Variants in CCDC171 observed in about 807,000 individuals in gnomAD.
CCDC171 encodes coiled-coil domain-containing protein 171.
A neutral mutation model predicts 168.2 loss-of-function variants in CCDC171; 177 were observed. That is an observed-to-expected ratio of 1.05 (90% CI 0.93 to 1.19). The LOEUF (loss-of-function observed/expected upper bound fraction) is 1.19, where lower values mean the gene tolerates loss of function less well. CCDC171 is among the 50% of genes most tolerant of loss of function. The probability of loss-of-function intolerance (pLI) is 0.00; values close to 1 mark genes in which losing one functional copy is unlikely to be tolerated. For synonymous variants in CCDC171, 687 were observed against 540.8 expected, an observed-to-expected ratio of 1.27 and a Z score of -3.75; for missense variants, 1,991 against 1,539.0, an observed-to-expected ratio of 1.29 and a Z score of -4.91.
intron 3 of CCDC171, among the ~76,000 whole-genome samples, chr9:15,578,010 T>G (rs1191046881): frequency 6.6e-6 from 1 of 152,196 alleles, no homozygotes; most frequent in African/African-American, 2.4e-5. Context: ...CGATATTCGT[T>G]CATTTAAATC....
At chr9:15,993,501 A>T (rs574378736) in intron 3 of CCDC171, among the ~76,000 whole-genome samples, 1 of 152,350 alleles carries the variant, frequency 6.6e-6, no homozygotes, top group Admixed American at 6.5e-5. Flanking sequence ...CTAGAAAAAA[A>T]CCTAGGCAGT....
At chr9:16,056,556 C>T (rs1169416750) in intron 1 of CCDC171, among the ~76,000 whole-genome samples, 2 of 152,158 alleles carry the variant, frequency 1.3e-5, no homozygotes, top group Admixed American at 6.5e-5. Flanking sequence ...AGCATGATCT[C>T]GGCTCACTGC....
At chr9:15,834,696 C>T (rs549772495) in intron 21 of CCDC171, among the ~76,000 whole-genome samples, 34 of 152,256 alleles carry the variant, frequency 2.2e-4, no homozygotes, top group African/African-American at 7.0e-4. Flanking sequence ...ATGCCTGAAA[C>T]TGCAAAGGGT....
chr9:16,010,328 A>G (rs1398836462), intron 3 of CCDC171, among the ~76,000 whole-genome samples: 2 of 152,150 alleles, frequency 1.3e-5, no homozygotes, highest in African/African-American at 4.8e-5. Flanking sequence ...CTTGGACTGA[A>G]TATTTTTAAT....
chr9:16,092,478 T>A, the CCDC171 span, among the ~76,000 whole-genome samples: 1 of 152,120 alleles, frequency 6.6e-6, no homozygotes. Flanking sequence ...ATGCTTCTGC[T>A]CCACTTCCCC....
At chr9:16,092,448 G>A in the CCDC171 span, among the ~76,000 whole-genome samples, 1 of 152,112 alleles carries the variant, frequency 6.6e-6, no homozygotes, top group Non-Finnish European at 1.5e-5. Flanking sequence ...CAGCTGCATC[G>A]GGAACTGTTT....
intron 6 of CCDC171, among the ~76,000 whole-genome samples, chr9:16,032,202 G>C (rs753074405): frequency 2.6e-5 from 4 of 152,200 alleles, no homozygotes; most frequent in Non-Finnish European, 5.9e-5. Flanking sequence ...ATTCAAGCGG[G>C]AAGGGCCCTG....
chr9:15,728,781 A>G (rs2053975527), intron 15 of CCDC171, among the ~76,000 whole-genome samples: 1 of 152,142 alleles, frequency 6.6e-6, no homozygotes, highest in Admixed American at 6.6e-5. Context: ...TATGTGGTTT[A>G]GTTTCCAGGT....
At chr9:15,701,606 G>GTA (rs2051747682) in intron 11 of CCDC171, among the ~76,000 whole-genome samples, 1 of 137,428 alleles carries the variant, frequency 7.3e-6, no homozygotes, top group South Asian at 2.3e-4. Flanking sequence ...TTGAGACAGA[G>GTA]TATCGCACTG....
chr9:16,041,631 C>G (rs1336359499), upstream of CCDC171, among the ~76,000 whole-genome samples: 1 of 152,020 alleles, frequency 6.6e-6, no homozygotes, highest in East Asian at 1.9e-4. Flanking sequence ...TATCACTTAA[C>G]CCAGAAAACT....
chr9:16,038,539 T>C (rs1429840621), upstream of CCDC171, among the ~76,000 whole-genome samples: 4 of 152,226 alleles, frequency 2.6e-5, no homozygotes, highest in East Asian at 5.8e-4. Flanking sequence ...CTAAAACATC[T>C]GTATGTATAT....
chr9:15,731,971 T>C (rs1236939994), intron 16 of CCDC171, among the ~76,000 whole-genome samples: 1 of 152,074 alleles, frequency 6.6e-6, no homozygotes, highest in Admixed American at 6.6e-5. Context: ...TTCATATACT[T>C]ATTGGCTATT....
chr9:15,860,936 A>ATATGTGTGTGTGTGTGTG (rs1554652571), intron 23 of CCDC171, among the ~76,000 whole-genome samples: 1 of 144,178 alleles, frequency 6.9e-6, no homozygotes, highest in African/African-American at 2.7e-5. Flanking sequence ...GTTGTTAGGG[A>ATATGTGTGTGTGTGTGTG]TGTGTGTGTG....
chr9:16,039,538 T>C (rs879369347), upstream of CCDC171, among the ~76,000 whole-genome samples: 2 of 152,064 alleles, frequency 1.3e-5, no homozygotes, highest in Non-Finnish European at 2.9e-5. Context: ...CACGGAACAG[T>C]CTAATTTCCC....
At chr9:15,767,983 C>A (rs2056823493) in intron 18 of CCDC171, among the ~76,000 whole-genome samples, 1 of 150,010 alleles carries the variant, frequency 6.7e-6, no homozygotes, top group Non-Finnish European at 1.5e-5. Flanking sequence ...AGTGCACCCA[C>A]CTCGGTCTCC....
Position 15,860,532 on chromosome 9 carries a change from A to T in CCDC171, c.3468+11585A>T, listed in dbSNP as rs1271112885. 4.0e-5 allele frequency among the ~76,000 whole-genome samples: 6 copies of T among 151,702 alleles called. No individual in the cohort carries two copies. In the East Asian group the frequency reaches 1.2e-3, roughly 29 times the overall value. On this transcript the variant is annotated intron_variant, in intron 23 of 25. Coordinates refer to ENST00000380701, the MANE Select transcript of CCDC171 (RefSeq NM_173550.4). ...CTTTCTTATGCCGCTGGTTGTTCAA[A>T]AATTTATTTCTATATATTGTGAATT... is the stretch of plus-strand genomic sequence containing the variant.
At chr9:15,642,289 G>A (rs549884510) in intron 7 of CCDC171, among the ~76,000 whole-genome samples, 69 of 139,146 alleles carry the variant, frequency 5.0e-4, no homozygotes, top group Middle Eastern at 7.8e-3. Context: ...ATGTGTGTGT[G>A]TATATATATA....
intron 8 of CCDC171, among the ~76,000 whole-genome samples, chr9:16,037,485 A>G (rs926545973): frequency 2.0e-5 from 3 of 152,220 alleles, no homozygotes; most frequent in Non-Finnish European, 4.4e-5. Flanking sequence ...CCCATGAGAG[A>G]GAACCAGTGG....
chr9:15,779,504 T>G lies in CCDC171; in HGVS notation c.3081+354T>G, dbSNP rs144522630. Among the ~76,000 whole-genome samples, 221 of 151,972 alleles carry G rather than the reference T, an allele frequency of 1.5e-3. 1 individual carries two copies. Among genetic ancestry groups the G allele is most frequent in the African/African-American group, 4.6e-3 (189 of 41,466 alleles). The stretch of plus-strand genomic sequence containing the variant: ...CCTCCCAAGCAGCTGGGATTACAGG[T>G]GGCTGCCACCACGCCTGGCTAATTT... On this transcript the variant is annotated intron_variant, in intron 20 of 25. Coordinates refer to ENST00000380701, the MANE Select transcript of CCDC171 (RefSeq NM_173550.4).
Sources: allele counts gnomAD v4.1 joint callset (sites outside exome capture counted in the v4.1 genomes callset), GRCh38; gene constraint gnomAD v4.1.1; transcripts MANE v1.5; gene names NCBI Gene and HGNC (gene_info 2026-07-23, HGNC 2026-07-21).